The following ADK variants were observed in gnomAD, a reference collection of about 807,000 sequenced individuals.
The protein encoded by ADK is adenosine kinase.
ADK carries 24 observed loss-of-function variants against 44.7 expected under a neutral mutation model. The observed-to-expected ratio is 0.54, with a 90% CI of 0.39 to 0.76. ADK has a LOEUF of 0.76. Ranked by LOEUF, ADK falls within the 30% of genes least tolerant of loss-of-function variation. The pLI, the probability that ADK is intolerant of heterozygous loss-of-function variation, is 0.00. For synonymous variants in ADK, 128 were observed against 142.6 expected, an observed-to-expected ratio of 0.90 and a Z score of 0.73; for missense variants, 321 against 425.1, an observed-to-expected ratio of 0.76 and a Z score of 2.15.
intron 9 of ADK, among the ~76,000 whole-genome samples, chr10:74,615,282 A>G (rs755973058): frequency 2.6e-5 from 4 of 152,174 alleles, no homozygotes; most frequent in Non-Finnish European, 5.9e-5. Context: ...CATTATGGTT[A>G]CATTATTCAT....
chr10:74,454,559 T>C (rs1418164532), intron 6 of ADK, among the ~76,000 whole-genome samples: 1 of 152,126 alleles, frequency 6.6e-6, no homozygotes, highest in Non-Finnish European at 1.5e-5. Context: ...AACTTCTGAA[T>C]CTCTCTTTAT....
chr10:74,365,268 AGTC>A (rs2131955968), intron 4 of ADK, among the ~76,000 whole-genome samples: 1 of 152,310 alleles, frequency 6.6e-6, no homozygotes, highest in East Asian at 1.9e-4. Flanking sequence ...CCCATCAAGC[AGTC>A]ATTTGTCATT....
At chr10:74,189,024 GC>G (rs1842870130) in intron 1 of ADK, among the ~76,000 whole-genome samples, 1 of 151,934 alleles carries the variant, frequency 6.6e-6, no homozygotes, top group African/African-American at 2.4e-5. Flanking sequence ...GCCCACCTTG[GC>G]CCCCCAAAGT....
chr10:74,300,793 T>C (rs1310344271), intron 3 of ADK, among the ~76,000 whole-genome samples: 1 of 152,236 alleles, frequency 6.6e-6, no homozygotes, highest in Non-Finnish European at 1.5e-5. Flanking sequence ...GTCAAGCTGC[T>C]TTATATACAA....
chr10:74,378,528 A>G (rs1258136670), intron 4 of ADK, among the ~76,000 whole-genome samples: 1 of 152,188 alleles, frequency 6.6e-6, no homozygotes, highest in East Asian at 1.9e-4. Context: ...TTTGGTATCT[A>G]TTAAAATAAT....
At chr10:74,632,408 T>A (rs549483078) in intron 9 of ADK, among the ~76,000 whole-genome samples, 90 of 152,290 alleles carry the variant, frequency 5.9e-4, no homozygotes, top group African/African-American at 2.1e-3. Context: ...ATTTCACAGT[T>A]CTGAAGGCTA....
At chr10:74,163,212 C>T (rs1023582914) in intron 1 of ADK, among the ~76,000 whole-genome samples, 1 of 152,032 alleles carries the variant, frequency 6.6e-6, no homozygotes, top group Non-Finnish European at 1.5e-5. Context: ...GTGATCCATC[C>T]GCCTCGGCCT....
intron 10 of ADK, among the ~76,000 whole-genome samples, chr10:74,671,930 T>G (rs1855202696): frequency 2.0e-5 from 3 of 152,210 alleles, no homozygotes; most frequent in Admixed American, 1.3e-4. Context: ...TACAGACACC[T>G]AACTATCTGT....
At chr10:74,162,335 G>A (rs1329218018) in intron 1 of ADK, among the ~76,000 whole-genome samples, 1 of 152,004 alleles carries the variant, frequency 6.6e-6, no homozygotes, top group East Asian at 1.9e-4. Flanking sequence ...AGCATTTAAT[G>A]GTGCAAAATG....
At chr10:74,338,918 C>A (rs905738914) in intron 4 of ADK, among the ~76,000 whole-genome samples, 6 of 152,076 alleles carry the variant, frequency 3.9e-5, no homozygotes, top group Non-Finnish European at 5.9e-5. Flanking sequence ...ACACTAAGAA[C>A]AATGCATGTA....
At chr10:74,359,200 A>G (rs1038751693) in intron 4 of ADK, among the ~76,000 whole-genome samples, 1 of 152,176 alleles carries the variant, frequency 6.6e-6, no homozygotes, top group Non-Finnish European at 1.5e-5. Flanking sequence ...TGACAGTACC[A>G]TGCTGTTTTG....
intron 4 of ADK, among the ~76,000 whole-genome samples, chr10:74,375,739 T>A (rs1157360483): frequency 6.6e-6 from 1 of 152,184 alleles, no homozygotes; most frequent in African/African-American, 2.4e-5. Context: ...ATCTTCACTT[T>A]ATGTCAAAGT....
chr10:74,611,543 G>A (rs1852546032), intron 9 of ADK, among the ~76,000 whole-genome samples: 1 of 148,016 alleles, frequency 6.8e-6, no homozygotes, highest in South Asian at 2.1e-4. Flanking sequence ...CTTTTTCAGG[G>A]TTGTTACATG....
At chr10:74,542,588 T>C (rs1849676774) in intron 7 of ADK, among the ~76,000 whole-genome samples, 1 of 152,168 alleles carries the variant, frequency 6.6e-6, no homozygotes. Context: ...TACTCAGTAG[T>C]GTCGCTCCTC....
At chr10:74,212,919 G>T (rs147094190) in intron 2 of ADK, among the ~76,000 whole-genome samples, 1 of 152,080 alleles carries the variant, frequency 6.6e-6, no homozygotes, top group South Asian at 2.1e-4. Context: ...GATAACATTT[G>T]AATTTTTGGT....
At chr10:74,581,393 GA>G (rs1306850113) in intron 7 of ADK, among the ~76,000 whole-genome samples, 1 of 152,014 alleles carries the variant, frequency 6.6e-6, no homozygotes, top group East Asian at 1.9e-4. Flanking sequence ...GAAACACCTA[GA>G]GGGAAAAAAA....
chr10:74,313,332 G>T (rs7907267), intron 3 of ADK, among the ~76,000 whole-genome samples: 12 of 151,516 alleles, frequency 7.9e-5, no homozygotes, highest in East Asian at 3.9e-4. Context: ...GTTTTTTTTG[G>T]GGGGGAGAGG....
intron 10 of ADK, among the ~76,000 whole-genome samples, chr10:74,699,970 C>T (rs555096789): frequency 1.3e-5 from 2 of 152,100 alleles, no homozygotes; most frequent in South Asian, 2.1e-4. Flanking sequence ...GAAGGAGAAT[C>T]ACTAATAAAA....
At chr10:74,693,178 G>T (rs1012643611) in intron 10 of ADK, among the ~76,000 whole-genome samples, 3 of 152,142 alleles carry the variant, frequency 2.0e-5, no homozygotes, top group African/African-American at 7.2e-5. Context: ...GTCAATAATG[G>T]CTCATCGATT....
Sources: gnomAD v4.1 joint callset for allele counts (sites outside exome capture counted in the v4.1 genomes callset) on GRCh38, gnomAD v4.1.1 for gene constraint, MANE v1.5 for transcripts, NCBI Gene and HGNC (gene_info 2026-07-23, HGNC 2026-07-21) for gene names.